The following DLGAP1 variants were observed in gnomAD, a reference collection of about 807,000 sequenced individuals.
DLGAP1 encodes disks large-associated protein 1.
A neutral mutation model predicts 90.8 loss-of-function variants in DLGAP1; 11 were observed. That is an observed-to-expected ratio of 0.12 (90% confidence interval 0.08 to 0.20). The LOEUF (loss-of-function observed/expected upper bound fraction) is 0.20, where lower values mean the gene tolerates loss of function less well. DLGAP1 is among the 10% of genes least tolerant of loss of function. The pLI, the probability that DLGAP1 is intolerant of heterozygous loss-of-function variation, is 1.00. For synonymous variants in DLGAP1, 558 were observed against 540.7 expected, an observed-to-expected ratio of 1.03 and a Z score of -0.44; for missense variants, 1,050 against 1,333.8, an observed-to-expected ratio of 0.79 and a Z score of 3.31.
chr18:3,515,468 C>CAAAAAAA (rs55870741), intron 10 of DLGAP1, among the ~76,000 whole-genome samples: 44 of 72,562 alleles, frequency 6.1e-4, no homozygotes, highest in Non-Finnish European at 7.6e-4. Context: ...GATTCCATCT[C>CAAAAAAA]AAAAAAAAAA....
intron 1 of DLGAP1, among the ~76,000 whole-genome samples, chr18:4,435,194 T>C (rs890928283): frequency 1.3e-5 from 2 of 152,178 alleles, no homozygotes; most frequent in African/African-American, 4.8e-5. Flanking sequence ...AAAGAGATGA[T>C]GCAGGTATCA....
At chr18:3,984,953 C>A (rs2073813037) in intron 3 of DLGAP1, among the ~76,000 whole-genome samples, 2 of 152,190 alleles carry the variant, frequency 1.3e-5, no homozygotes, top group South Asian at 4.1e-4. Context: ...CCAACCATGC[C>A]TTGTATTCAC....
intron 7 of DLGAP1, among the ~76,000 whole-genome samples, chr18:3,612,990 G>A (rs1024073936): frequency 1.3e-4 from 20 of 152,126 alleles, no homozygotes; most frequent in Admixed American, 5.9e-4. Context: ...ACAGGCGCCC[G>A]CCACCATGCC....
Position 4,395,053 on chromosome 18 carries a change from G to A in DLGAP1, c.-267+59953C>T, listed in dbSNP as rs539384447. On this transcript the variant is annotated intron_variant, in intron 1 of 12. Coordinates refer to ENST00000315677, the MANE Select transcript of DLGAP1 (RefSeq NM_004746.4). ...AAGTAACAGTCTTTAAAAATTACCC[G>A]GACATTTCAATGTTAACTTTCCAGT... Among the ~76,000 whole-genome samples the A allele has an allele frequency of 7.2e-5, 11 of 152,206 alleles. No homozygotes were observed. The South Asian group carries it at 1.5e-3, about 20-fold the overall frequency.
intron 2 of DLGAP1, among the ~76,000 whole-genome samples, chr18:4,030,269 T>C (rs2074774157): frequency 6.6e-6 from 1 of 152,194 alleles, no homozygotes; most frequent in African/African-American, 2.4e-5. Context: ...TTGTCTGTCT[T>C]ATTCATGACT....
chr18:4,354,233 T>C (rs2081458003), intron 1 of DLGAP1, among the ~76,000 whole-genome samples: 1 of 151,972 alleles, frequency 6.6e-6, no homozygotes, highest in East Asian at 1.9e-4. Flanking sequence ...CCAAGGTGAG[T>C]CACAGAAACC....
intron 1 of DLGAP1, among the ~76,000 whole-genome samples, chr18:4,286,698 T>C (rs1598816114): frequency 6.6e-6 from 1 of 152,076 alleles, no homozygotes; most frequent in African/African-American, 2.4e-5. Flanking sequence ...TTAGTACTGA[T>C]TGCCAAGGAA....
At chr18:3,632,370 C>A (rs2058556227) in intron 7 of DLGAP1, among the ~76,000 whole-genome samples, 1 of 150,888 alleles carries the variant, frequency 6.6e-6, no homozygotes, top group Non-Finnish European at 1.5e-5. Flanking sequence ...GGACCGATCT[C>A]TGCTCACTGC....
At chr18:4,242,323 T>C (rs999464939) in intron 1 of DLGAP1, among the ~76,000 whole-genome samples, 1 of 152,060 alleles carries the variant, frequency 6.6e-6, no homozygotes, top group African/African-American at 2.4e-5. Context: ...TGGAATTAAT[T>C]TTGTTCTTGG....
intron 2 of DLGAP1, among the ~76,000 whole-genome samples, chr18:4,010,718 C>T (rs1226890745): frequency 6.6e-6 from 1 of 152,166 alleles, no homozygotes; most frequent in African/African-American, 2.4e-5. Context: ...GTTAGCTCCT[C>T]TATTCTCATA....
At chr18:4,453,694 C>T (rs563871919) in intron 1 of DLGAP1, among the ~76,000 whole-genome samples, 2 of 152,304 alleles carry the variant, frequency 1.3e-5, no homozygotes, top group East Asian at 3.9e-4. Flanking sequence ...AAGCCATTCA[C>T]GAAGACCACA....
intron 9 of DLGAP1, among the ~76,000 whole-genome samples, chr18:3,544,719 T>TTTTATTTATTTATTTA (rs3072938): frequency 1.9e-3 from 266 of 143,196 alleles, no homozygotes; most frequent in African/African-American, 4.2e-3. Context: ...TGTACTTTGC[T>TTTTATTTATTTATTTA]TTTATTTATT....
rs145752887 is a variant in DLGAP1 at position 4,372,354 on chromosome 18, C to T, written c.-267+82652G>A. The stretch of plus-strand genomic sequence containing the variant: ...TTACAGGCACTATGGAAGGCAGTGG[C>T]AGTGGACAGCCACGATATGGCCTTG... On this transcript the variant is annotated intron_variant, in intron 1 of 12. Transcript: ENST00000315677. Among the ~76,000 whole-genome samples, 1,454 of 152,310 alleles carry T rather than the reference C, an allele frequency of 9.5e-3. 11 individuals are homozygous for T. The highest frequency in any genetic ancestry group is 0.078 in the Middle Eastern group (23 of 294).
intron 3 of DLGAP1, among the ~76,000 whole-genome samples, chr18:3,948,516 T>C (rs1882483622): frequency 1.3e-5 from 2 of 152,212 alleles, no homozygotes; most frequent in Admixed American, 1.3e-4. Flanking sequence ...TAGCGTGTTG[T>C]CTTGTACAGG....
At chr18:3,937,384 A>G (rs955685670) in intron 3 of DLGAP1, among the ~76,000 whole-genome samples, 4 of 152,120 alleles carry the variant, frequency 2.6e-5, no homozygotes, top group South Asian at 4.1e-4. Flanking sequence ...GGCAAGAGAG[A>G]GCCTGTGCAG....
At chr18:3,898,324 G>A (rs1026959131) in intron 3 of DLGAP1, among the ~76,000 whole-genome samples, 1 of 152,140 alleles carries the variant, frequency 6.6e-6, no homozygotes, top group African/African-American at 2.4e-5. Context: ...AAATGGATAT[G>A]TCTCTGTGGT....
intron 1 of DLGAP1, among the ~76,000 whole-genome samples, chr18:4,333,397 G>C (rs527748500): frequency 6.6e-6 from 1 of 151,638 alleles, no homozygotes; most frequent in African/African-American, 2.4e-5. Context: ...TGCTTTTCAC[G>C]ATTCTACTCA....
At chr18:3,821,654 G>C (rs2067425195) in intron 4 of DLGAP1, among the ~76,000 whole-genome samples, 1 of 152,172 alleles carries the variant, frequency 6.6e-6, no homozygotes, top group African/African-American at 2.4e-5. Flanking sequence ...ATTGTTTGCA[G>C]CTGCTGTTTA....
chr18:4,294,329 G>A (rs948253171), intron 1 of DLGAP1: 1 of 152,192 alleles, frequency 6.6e-6, no homozygotes, highest in Non-Finnish European at 1.5e-5. Context: ...ACCTCCTTGA[G>A]AGCACCCCTG....
Sources: allele counts gnomAD v4.1 joint callset (sites outside exome capture counted in the v4.1 genomes callset), GRCh38; gene constraint gnomAD v4.1.1; transcripts MANE v1.5; gene names NCBI Gene and HGNC (gene_info 2026-07-23, HGNC 2026-07-21).